Variants in CLDN10 observed in about 807,000 individuals in gnomAD.
CLDN10 encodes claudin 10.
CLDN10 carries 15 observed loss-of-function variants against 22.9 expected under a neutral mutation model. The ratio of observed to expected loss-of-function variants is 0.65; its 90% CI spans 0.44 to 1.01. The LOEUF is 1.01. CLDN10 is among the 50% of genes least tolerant of loss of function. The probability of loss-of-function intolerance (pLI) is 0.00; values close to 1 mark genes in which losing one functional copy is unlikely to be tolerated. For missense variants in CLDN10, 247 were observed against 287.8 expected (o/e 0.86, Z 1.03); for synonymous variants, 114 against 111.4 (o/e 1.02, Z -0.15).
At chr13:95,463,855 G>A (rs1480529258) in intron 1 of CLDN10, among the ~76,000 whole-genome samples, 2 of 151,958 alleles carry the variant, frequency 1.3e-5, no homozygotes, top group Admixed American at 6.6e-5. Context: ...CTCAGCTAGG[G>A]CTATCATTTC....
At chr13:95,552,650 C>T, upstream of CLDN10, 1 of 1,328,654 alleles carries the variant, frequency 7.5e-7, no homozygotes, top group Non-Finnish European at 9.8e-7. Context: ...TGGGCGGGGA[C>T]GGTGGGCGGA....
chr13:95,548,127 C>T (rs1012734634), upstream of CLDN10, among the ~76,000 whole-genome samples: 1 of 152,154 alleles, frequency 6.6e-6, no homozygotes, highest in African/African-American at 2.4e-5. Context: ...ACTGCCCCGA[C>T]CTGGGTGGGA....
intron 3 of CLDN10, among the ~76,000 whole-genome samples, chr13:95,564,273 A>T (rs1461089103): frequency 2.6e-5 from 4 of 152,182 alleles, no homozygotes; most frequent in African/African-American, 9.6e-5. Context: ...TCCTTTCAGA[A>T]TTAGCAAAGA....
intron 1 of CLDN10, among the ~76,000 whole-genome samples, chr13:95,460,803 C>T (rs566162827): frequency 3.9e-5 from 6 of 152,238 alleles, no homozygotes; most frequent in African/African-American, 1.2e-4. Flanking sequence ...CATACCACCG[C>T]ACTCAGCTAA....
At chr13:95,455,304 G>C (rs2042472233) in intron 1 of CLDN10, among the ~76,000 whole-genome samples, 1 of 152,138 alleles carries the variant, frequency 6.6e-6, no homozygotes, top group Non-Finnish European at 1.5e-5. Context: ...GTGGTGCAAA[G>C]TACAAAAAAG....
chr13:95,530,077 C>T (rs2043324443), intron 1 of CLDN10, among the ~76,000 whole-genome samples: 1 of 152,014 alleles, frequency 6.6e-6, no homozygotes, highest in South Asian at 2.1e-4. Flanking sequence ...TTAGTGCCCA[C>T]AAACACCAAC....
intron 1 of CLDN10, among the ~76,000 whole-genome samples, chr13:95,439,366 A>G (rs1181149099): frequency 6.8e-6 from 1 of 146,988 alleles, no homozygotes; most frequent in Admixed American, 6.8e-5. Flanking sequence ...TTTTTTTGAG[A>G]CTGAGTCTTG....
At chr13:95,458,126 C>T (rs1252124375) in intron 1 of CLDN10, among the ~76,000 whole-genome samples, 1 of 152,136 alleles carries the variant, frequency 6.6e-6, no homozygotes. Flanking sequence ...TGAGCATATA[C>T]TTTTCATGGC....
upstream of CLDN10, among the ~76,000 whole-genome samples, chr13:95,550,519 G>T (rs1466071451): frequency 6.6e-6 from 1 of 152,246 alleles, no homozygotes; most frequent in Non-Finnish European, 1.5e-5. Flanking sequence ...TATCGAACAA[G>T]GCCAGGAAAT....
intron 1 of CLDN10, among the ~76,000 whole-genome samples, chr13:95,538,135 T>C (rs1468303715): frequency 2.0e-5 from 3 of 147,108 alleles, no homozygotes; most frequent in Non-Finnish European, 3.0e-5. Context: ...CTGTGACCCA[T>C]TGACAAACTG....
intron 1 of CLDN10, among the ~76,000 whole-genome samples, chr13:95,434,472 C>A (rs1175566518): frequency 9.0e-6 from 1 of 111,624 alleles, no homozygotes; most frequent in Non-Finnish European, 1.8e-5. Flanking sequence ...TATATATACA[C>A]CCACAAACAC....
chr13:95,435,238 T>A (rs920997051), intron 1 of CLDN10, among the ~76,000 whole-genome samples: 1 of 152,224 alleles, frequency 6.6e-6, no homozygotes, highest in African/African-American at 2.4e-5. Context: ...TGCCACAAAT[T>A]GTGGGTTTAT....
intron 1 of CLDN10, among the ~76,000 whole-genome samples, chr13:95,540,722 C>G (rs1429063475): frequency 6.6e-6 from 1 of 152,146 alleles, no homozygotes; most frequent in Non-Finnish European, 1.5e-5. Context: ...AAAATATGAT[C>G]AAGCCTGTTA....
rs192449471 is a variant in CLDN10, at chr13:95,505,480, T to C, written c.215-54652T>C. Among the ~76,000 whole-genome samples the C allele has an allele frequency of 1.5e-3, 226 of 152,340 alleles. 1 individual carries two copies. The highest frequency in any genetic ancestry group is 5.2e-3 in the African/African-American group (217 of 41,584). ...TGAGCTCTCATTCGTATAAGGACTA[T>C]GGTCTTTGGAAGTTGATTTTGGTTT... On this transcript the variant is annotated intron_variant, in intron 1 of 4. Transcript: ENST00000376873.
intron 3 of CLDN10, among the ~76,000 whole-genome samples, chr13:95,565,784 C>T (rs1488983977): frequency 6.7e-6 from 1 of 149,986 alleles, no homozygotes; most frequent in African/African-American, 2.5e-5. Flanking sequence ...CAGCCCCCCA[C>T]CCCCTGACAG....
intron 1 of CLDN10, among the ~76,000 whole-genome samples, chr13:95,443,179 C>T (rs1351238930): frequency 6.6e-6 from 1 of 152,104 alleles, no homozygotes; most frequent in Non-Finnish European, 1.5e-5. Context: ...GGTGCTAGCT[C>T]CCAAATTTGT....
At chr13:95,531,603 T>C (rs532460918) in intron 1 of CLDN10, among the ~76,000 whole-genome samples, 70 of 152,182 alleles carry the variant, frequency 4.6e-4, no homozygotes, top group African/African-American at 1.6e-3. Context: ...CAATCTTGGC[T>C]CATTGCAACC....
intron 1 of CLDN10, among the ~76,000 whole-genome samples, chr13:95,483,532 G>T (rs568587893): frequency 3.3e-5 from 5 of 152,210 alleles, no homozygotes; most frequent in East Asian, 1.9e-4. Flanking sequence ...AGCATCACAG[G>T]TTGTATCCCC....
intron 1 of CLDN10, among the ~76,000 whole-genome samples, chr13:95,516,791 C>A (rs930904941): frequency 8.5e-5 from 13 of 152,140 alleles, no homozygotes; most frequent in African/African-American, 3.1e-4. Flanking sequence ...TTAAGATCTT[C>A]ATCTTTAATA....
Sources: gnomAD v4.1 joint callset for allele counts (sites outside exome capture counted in the v4.1 genomes callset) on GRCh38, gnomAD v4.1.1 for gene constraint, MANE v1.5 for transcripts, NCBI Gene and HGNC (gene_info 2026-07-23, HGNC 2026-07-21) for gene names.